Variants in JAK2 observed in about 807,000 individuals in gnomAD.
The protein encoded by JAK2 is Janus kinase 2, also known as tyrosine-protein kinase JAK2.
In JAK2, 86 loss-of-function variants were observed where a neutral mutation model predicts 139.3. The observed-to-expected ratio is 0.62, with a 90% CI of 0.52 to 0.74. The LOEUF (loss-of-function observed/expected upper bound fraction) is 0.74, where lower values mean the gene tolerates loss of function less well. Among genes scored for constraint, JAK2 ranks in the 30% least tolerant of loss-of-function variants. The pLI, the probability that JAK2 is intolerant of heterozygous loss-of-function variation, is 0.00. For missense variants in JAK2, 1,421 were observed against 1,360.3 expected (o/e 1.04, Z -0.70); for synonymous variants, 490 against 437.7 (o/e 1.12, Z -1.49).
rs1014555604 is a variant in JAK2, at chr9:5,093,621, G to C, written c.3059+2710G>C. Among the ~76,000 whole-genome samples, 12 of 152,218 alleles carry C rather than the reference G, an allele frequency of 7.9e-5. No individual in the cohort carries two copies. The East Asian group carries it at 2.3e-3, about 29-fold the overall frequency. ...CTCTGCATTAAAAATTTTGGTTGGG[G>C]TGACCTCATAGCATATTCAACCTCC... On this transcript the variant is annotated intron_variant, in intron 22 of 24. Transcript: ENST00000381652.
chr9:5,019,393 A>G (rs1822272104), intron 2 of JAK2, among the ~76,000 whole-genome samples: 1 of 151,834 alleles, frequency 6.6e-6, no homozygotes, highest in Non-Finnish European at 1.5e-5. Context: ...TTTTTAAATG[A>G]TATCTCTCTC....
rs1823010785 is a variant in JAK2 at position 5,029,631 on chromosome 9, G to A, written c.227-152G>A. ...AAAGATTGTGATTAATAATTCAGTT[G>A]TAGGGGTTGGTATATCAAAAGATTT... On this transcript the variant is annotated intron_variant, in intron 3 of 24. Transcript: ENST00000381652. 3 of 565,970 alleles carry A rather than the reference G, an allele frequency of 5.3e-6. No homozygotes were observed. In the African/African-American group the frequency reaches 5.7e-5, roughly 11 times the overall value. 35.1% of individuals were successfully genotyped at this position (565,970 alleles called of 1,614,324 possible). A position where few individuals can be genotyped will look rare whatever the true frequency, so the allele number is the denominator to read the frequency against.
rs558115880 is a variant in JAK2 at position 5,111,677 on chromosome 9, G to C, written c.3060-11327G>C. On this transcript the variant is annotated intron_variant, in intron 22 of 24. Transcript: ENST00000381652. ...CCTCCCGCCCAGCAGCGGCCCTGTG[G>C]GCAGTGGCGGAGGCAGCAGCACGTT... 39 of 420,672 alleles carry C rather than the reference G, an allele frequency of 9.3e-5. 1 individual carries two copies. The East Asian group carries it at 2.5e-3, about 27-fold the overall frequency. 26.1% of individuals were successfully genotyped at this position (420,672 alleles called of 1,614,324 possible).
chr9:5,120,713 C>G (rs1308191381), intron 22 of JAK2, among the ~76,000 whole-genome samples: 1 of 152,112 alleles, frequency 6.6e-6, no homozygotes, highest in Non-Finnish European at 1.5e-5. Flanking sequence ...GTGATGTAAA[C>G]TGTAACAATG....
intron 2 of JAK2, among the ~76,000 whole-genome samples, chr9:5,010,447 T>A (rs200256724): frequency 2.0e-4 from 30 of 152,054 alleles, no homozygotes; most frequent in Admixed American, 2.0e-3. Flanking sequence ...CAGCCTCCCG[T>A]GTAGCTGGGA....
intron 4 of JAK2, among the ~76,000 whole-genome samples, chr9:5,035,817 G>A (rs941547419): frequency 1.7e-4 from 26 of 152,134 alleles, no homozygotes; most frequent in African/African-American, 6.0e-4. Flanking sequence ...TTGAAAACTG[G>A]CACAAGACAG....
intron 4 of JAK2, among the ~76,000 whole-genome samples, chr9:5,038,274 A>G (rs1362739444): frequency 2.6e-4 from 40 of 152,228 alleles, no homozygotes. Flanking sequence ...GAATAGGTCT[A>G]TGACAAATAA....
chr9:5,049,793 G>C (rs1054241890), intron 5 of JAK2, among the ~76,000 whole-genome samples: 5 of 152,260 alleles, frequency 3.3e-5, no homozygotes, highest in African/African-American at 1.2e-4. Context: ...TTATAGCCTA[G>C]TATATGCCTA....
intron 22 of JAK2, chr9:5,108,113 C>T (rs1469557520): frequency 6.6e-6 from 1 of 151,966 alleles, no homozygotes; most frequent in Non-Finnish European, 1.5e-5. Flanking sequence ...CTGATGTCAC[C>T]CCTCCTAATT....
intron 14 of JAK2, among the ~76,000 whole-genome samples, chr9:5,077,245 G>T (rs1422411316): frequency 1.3e-5 from 2 of 150,052 alleles, no homozygotes; most frequent in Non-Finnish European, 3.0e-5. Context: ...ATATATAATT[G>T]TTTAGACTCC....
intron 2 of JAK2, among the ~76,000 whole-genome samples, chr9:4,993,770 C>T (rs1279127468): frequency 2.0e-5 from 3 of 152,184 alleles, no homozygotes; most frequent in Non-Finnish European, 4.4e-5. Context: ...GAATAACTGT[C>T]ATTTCTTCAT....
chr9:5,003,089 A>G (rs189163680), intron 2 of JAK2, among the ~76,000 whole-genome samples: 12 of 151,976 alleles, frequency 7.9e-5, no homozygotes, highest in Admixed American at 4.6e-4. Flanking sequence ...CCATTTGTCT[A>G]TTTGTTCATT....
chr9:5,013,720 T>A (rs1821859677), intron 2 of JAK2, among the ~76,000 whole-genome samples: 1 of 152,218 alleles, frequency 6.6e-6, no homozygotes, highest in Admixed American at 6.5e-5. Context: ...TCTAAAACCT[T>A]TCTTTGTTTT....
intron 3 of JAK2, among the ~76,000 whole-genome samples, chr9:5,025,855 GT>G (rs1318352798): frequency 1.3e-5 from 2 of 152,144 alleles, no homozygotes; most frequent in African/African-American, 2.4e-5. Context: ...TTCTGTTGAA[GT>G]TTTAAATTAA....
chr9:5,103,506 G>A (rs1411725621), intron 22 of JAK2, among the ~76,000 whole-genome samples: 2 of 152,182 alleles, frequency 1.3e-5, no homozygotes, highest in Admixed American at 6.5e-5. Context: ...ATAATAGACA[G>A]ATCAATGAGA....
At chr9:5,082,396 G>A (rs1251365567) in intron 19 of JAK2, among the ~76,000 whole-genome samples, 1 of 152,250 alleles carries the variant, frequency 6.6e-6, no homozygotes, top group Non-Finnish European at 1.5e-5. Flanking sequence ...AAACATCTCA[G>A]TGGAGTAAAG....
intron 22 of JAK2, among the ~76,000 whole-genome samples, chr9:5,092,964 C>T (rs927812197): frequency 6.6e-6 from 1 of 152,128 alleles, no homozygotes; most frequent in Non-Finnish European, 1.5e-5. Context: ...CCATAGTTGG[C>T]CCAAAAGCAG....
chr9:4,990,610 A>T (rs1394975776), intron 2 of JAK2, among the ~76,000 whole-genome samples: 2 of 152,164 alleles, frequency 1.3e-5, no homozygotes, highest in East Asian at 3.9e-4. Flanking sequence ...AGACAAAGAA[A>T]AAAACAGTAT....
At chr9:5,042,589 C>T (rs1480997475) in intron 4 of JAK2, among the ~76,000 whole-genome samples, 5 of 136,246 alleles carry the variant, frequency 3.7e-5, no homozygotes, top group Middle Eastern at 3.3e-3. Context: ...CCTGGAGGCC[C>T]CCAGGGCTGA....
Sources: allele counts gnomAD v4.1 joint callset (sites outside exome capture counted in the v4.1 genomes callset), GRCh38; gene constraint gnomAD v4.1.1; transcripts MANE v1.5; gene names NCBI Gene and HGNC (gene_info 2026-07-23, HGNC 2026-07-21).